Variants in WDR72 observed in about 807,000 individuals in gnomAD.
WDR72 encodes the protein WD repeat domain 72, also known as WD repeat-containing protein 72.
A neutral mutation model predicts 124.2 loss-of-function variants in WDR72; 120 were observed. The ratio of observed to expected loss-of-function variants is 0.97; its 90% CI spans 0.83 to 1.12. WDR72 has a LOEUF of 1.12. WDR72 is among the 50% of genes most tolerant of loss of function. The probability of loss-of-function intolerance (pLI) is 0.00; values close to 1 mark genes in which losing one functional copy is unlikely to be tolerated. For synonymous variants in WDR72, 452 were observed against 441.7 expected (o/e 1.02, Z -0.29); for missense variants, 1,387 against 1,278.8 (o/e 1.08, Z -1.29).
At chr15:53,715,879 A>C (rs1376318554) in intron 4 of WDR72, among the ~76,000 whole-genome samples, 2 of 152,256 alleles carry the variant, frequency 1.3e-5, no homozygotes. Context: ...ACAATGCTGT[A>C]TGTTAAAAAG....
chr15:53,732,813 TATA>T (rs1478096783), intron 2 of WDR72, among the ~76,000 whole-genome samples, 181 bp downstream of exon 2: 1 of 152,234 alleles, frequency 6.6e-6, no homozygotes, highest in Non-Finnish European at 1.5e-5. Flanking sequence ...AATTTTCAAA[TATA>T]ATCTTGATCA....
At chr15:53,545,681 A>G (rs1441255242) in intron 18 of WDR72, among the ~76,000 whole-genome samples, 1 of 139,086 alleles carries the variant, frequency 7.2e-6, no homozygotes, top group Non-Finnish European at 1.6e-5. Flanking sequence ...ATTAAACTAA[A>G]GAGCTTCTGC....
At chr15:53,603,842 CAAAT>C (rs2013153335) in intron 17 of WDR72, among the ~76,000 whole-genome samples, 1 of 152,106 alleles carries the variant, frequency 6.6e-6, no homozygotes, top group African/African-American at 2.4e-5. Context: ...ATGACATAAA[CAAAT>C]GGAAAAACAT....
chr15:53,529,164 A>ATATATATATATATATATATTT (rs59003623), intron 18 of WDR72, among the ~76,000 whole-genome samples: 1 of 78,168 alleles, frequency 1.3e-5, no homozygotes, highest in African/African-American at 5.0e-5. Context: ...ATATATATAT[A>ATATATATATATATATATATTT]TTTTTTTTTT....
At chr15:53,617,778 G>C (rs940850126) in intron 14 of WDR72, among the ~76,000 whole-genome samples, 3 of 151,814 alleles carry the variant, frequency 2.0e-5, no homozygotes, top group African/African-American at 7.3e-5. Flanking sequence ...CATCAAAGCA[G>C]CCAGACATAA....
intron 18 of WDR72, among the ~76,000 whole-genome samples, chr15:53,532,730 T>C (rs1366343976): frequency 6.6e-6 from 1 of 151,998 alleles, no homozygotes; most frequent in Admixed American, 6.6e-5. Flanking sequence ...TGGTAGACTA[T>C]AGTTAACAAT....
intron 14 of WDR72, among the ~76,000 whole-genome samples, chr15:53,644,622 G>A (rs36086494): frequency 0.091 from 13,783 of 151,970 alleles, 1,581 homozygotes; most frequent in African/African-American, 0.27. Context: ...GGAACAAAAA[G>A]AATCCCAACA....
chr15:53,690,097 G>A (rs2016788313), intron 13 of WDR72, among the ~76,000 whole-genome samples: 1 of 149,906 alleles, frequency 6.7e-6, no homozygotes, highest in South Asian at 2.2e-4. Context: ...GGATAGCACT[G>A]GGAGATATAC....
intron 4 of WDR72, 148 bp downstream of exon 4, chr15:53,716,459 C>T: frequency 1.5e-6 from 1 of 684,710 alleles, no homozygotes; most frequent in Middle Eastern, 2.4e-4. Flanking sequence ...AAACAGCAGA[C>T]AATTACTGGT....
At chr15:53,649,503 T>C (rs1417376878) in intron 14 of WDR72, among the ~76,000 whole-genome samples, 1 of 152,148 alleles carries the variant, frequency 6.6e-6, no homozygotes, top group Non-Finnish European at 1.5e-5. Flanking sequence ...TCTGTATTGG[T>C]TGTTTTTGTT....
chr15:53,603,271 T>A (rs1009277817), intron 17 of WDR72, among the ~76,000 whole-genome samples: 3 of 152,012 alleles, frequency 2.0e-5, no homozygotes, highest in Non-Finnish European at 4.4e-5. Context: ...GAAAAGGCTC[T>A]CAATAAAATT....
chr15:53,724,600 AACTC>A (rs572843533), intron 2 of WDR72, among the ~76,000 whole-genome samples: 12 of 152,098 alleles, frequency 7.9e-5, no homozygotes, highest in Non-Finnish European at 1.8e-4. Context: ...ATCTCGCGAG[AACTC>A]ACTCACTATC....
chr15:53,536,356 T>C (rs1595739494), intron 18 of WDR72, among the ~76,000 whole-genome samples: 1 of 152,112 alleles, frequency 6.6e-6, no homozygotes, highest in South Asian at 2.1e-4. Context: ...AGTTCTAAGG[T>C]TAAGTTGTTG....
chr15:53,728,481 G>A (rs559404853), intron 2 of WDR72, among the ~76,000 whole-genome samples: 2 of 152,262 alleles, frequency 1.3e-5, no homozygotes, highest in Admixed American at 6.5e-5. Flanking sequence ...CATTTCACAG[G>A]TGAGGAAATT....
chr15:53,604,693 GACATA>G (rs1029571174), intron 17 of WDR72, among the ~76,000 whole-genome samples: 4 of 152,268 alleles, frequency 2.6e-5, no homozygotes, highest in Middle Eastern at 3.4e-3. Context: ...TTCAAAGGAA[GACATA>G]TATGTGGCCA....
intron 11 of WDR72, among the ~76,000 whole-genome samples, 164 bp downstream of exon 11, chr15:53,704,824 A>AAAC (rs1368391580): frequency 1.3e-5 from 2 of 151,354 alleles, no homozygotes; most frequent in South Asian, 2.1e-4. Context: ...TTTAAAAAAA[A>AAAC]AAAAAAAACC....
At chr15:53,604,881 T>C (rs1417507470) in intron 17 of WDR72, among the ~76,000 whole-genome samples, 4 of 152,144 alleles carry the variant, frequency 2.6e-5, no homozygotes, top group Non-Finnish European at 4.4e-5. Flanking sequence ...CGCTTATACA[T>C]TGTTGGTGGG....
In WDR72 at chr15:53,515,113, A is replaced by G. The variant is rs984690870; in HGVS notation, c.*2586T>C. The G allele has an allele frequency of 3.3e-5, 5 of 151,198 alleles. No individual in the cohort carries two copies. Among genetic ancestry groups the G allele is most frequent in the Admixed American group, 1.3e-4 (2 of 15,170 alleles). 9.4% of individuals were successfully genotyped at this position (151,198 alleles called of 1,614,324 possible). On this transcript the variant is annotated 3_prime_UTR_variant, in exon 20 of 20. Coordinates refer to ENST00000360509, the MANE Select transcript of WDR72 (RefSeq NM_182758.4). ...CACACACACACACACACACAAATACATTCATAAATATCACCAAGATGATTA... is the reference window on the plus strand; with the variant it reads ...CACACACACACACACACACAAATACGTTCATAAATATCACCAAGATGATTA...
intron 13 of WDR72, among the ~76,000 whole-genome samples, chr15:53,678,784 G>C (rs898585726): frequency 6.6e-6 from 1 of 152,146 alleles, no homozygotes. Context: ...ATGGTCTAAA[G>C]CATCTGTGTT....
Sources: allele counts gnomAD v4.1 joint callset (sites outside exome capture counted in the v4.1 genomes callset), GRCh38; gene constraint gnomAD v4.1.1; transcripts MANE v1.5; gene names NCBI Gene and HGNC (gene_info 2026-07-23, HGNC 2026-07-21).